Variants in ZNF559 observed in about 807,000 individuals in gnomAD.
ZNF559 encodes zinc finger protein 559, also known as putative protein product of Nbla00121.
Under a neutral mutation model 14.2 loss-of-function variants are expected in ZNF559, and 17 were observed. That is an observed-to-expected ratio of 1.20 (90% CI 0.82 to 1.80). The LOEUF (loss-of-function observed/expected upper bound fraction) is 1.80. ZNF559 is among the 40% of genes most tolerant of loss of function. The pLI is 0.00. For synonymous variants in ZNF559, 244 were observed against 212.4 expected (o/e 1.15, Z -1.29); for missense variants, 740 against 629.7 (o/e 1.18, Z -1.88).
chr19:9,325,692 A>G (rs2066548518), intron 2 of ZNF559, among the ~76,000 whole-genome samples: 1 of 151,908 alleles, frequency 6.6e-6, no homozygotes, highest in Non-Finnish European at 1.5e-5. Flanking sequence ...AGCCTGAGGC[A>G]GGAGAATCGC....
chr19:9,332,115 T>A (rs2066965793), intron 2 of ZNF559, among the ~76,000 whole-genome samples: 1 of 152,176 alleles, frequency 6.6e-6, no homozygotes, highest in South Asian at 2.1e-4. Context: ...TTTTTGTAGA[T>A]GCCCTTTATT....
rs575388542 is a variant in ZNF559 at position 9,345,081 on chromosome 19, A to G, written c.*2013A>G. The G allele has an allele frequency of 6.6e-6, 1 of 152,276 alleles. No homozygotes were observed. Among genetic ancestry groups the G allele is most frequent in the South Asian group, 2.1e-4 (1 of 4,830 alleles). 9.4% of individuals were successfully genotyped at this position (152,276 alleles called of 1,614,324 possible). Reference sequence around the variant, plus strand: ...CTCTTAGAATAGACGACTTTATATTATGTACAGTTTTTATATAAATGGAAT... The same window carrying G: ...CTCTTAGAATAGACGACTTTATATTGTGTACAGTTTTTATATAAATGGAAT... On this transcript the variant is annotated 3_prime_UTR_variant, in exon 7 of 7. Transcript: ENST00000603380.
intron 2 of ZNF559, among the ~76,000 whole-genome samples, chr19:9,337,540 A>G (rs949447831): frequency 2.6e-5 from 4 of 152,200 alleles, no homozygotes; most frequent in Non-Finnish European, 4.4e-5. Context: ...TCAGGAGTTT[A>G]GGTTTGTGAG....
Position 9,342,256 on chromosome 19 carries a change from A to T in ZNF559, c.805A>T (p.Ile269Leu), listed in dbSNP as rs376697934. The T allele has an allele frequency of 1.3e-6, 2 of 1,584,756 alleles. No homozygotes were observed. The highest frequency in any genetic ancestry group is 1.7e-6 in the Non-Finnish European group (2 of 1,170,010). The change falls in exon 7 of 7, where the codon ATA becomes TTA. Residue 269 changes from isoleucine to leucine, a missense_variant. By Grantham distance (5) the Ile-to-Leu change is conservative. Transcript: ENST00000603380. ...AAGAACTCATAGTAGAGTGTTACCT[A>T]TAGAACATAAGAAATTTGGCAAAGC... ...HLRTHSRVLP[I>L]EHKKFGKAFA...
At chr19:9,324,459 G>T in intron 1 of ZNF559, 3 of 1,424,558 alleles carry the variant, frequency 2.1e-6, no homozygotes, top group South Asian at 3.0e-5. Context: ...GGGAGGAGGC[G>T]GGGGGCACGG....
intron 1 of ZNF559, 49 bp from the exon 2 acceptor site, chr19:9,324,644 GAA>G (rs56005842): frequency 0.053 from 54,012 of 1,017,570 alleles, 4 homozygotes; most frequent in Middle Eastern, 0.071. Flanking sequence ...ATCTCTAATG[GAA>G]AAAAAAAAAA....
intron 3 of ZNF559, 56 bp downstream of exon 3, chr19:9,337,914 C>G (rs2067328544): frequency 2.0e-6 from 3 of 1,534,880 alleles, no homozygotes; most frequent in Admixed American, 3.9e-5. Context: ...ATTGACTTAC[C>G]CATAAGTTCA....
rs773107074 is a variant in ZNF559, at chr19:9,342,671, A to T, written c.1220A>T (p.Lys407Ile). ...CACATGCAGACTCATCCTGGTGTAA[A>T]ACCCTATGACTGTCAACAGTGTGGG... ...KSHMQTHPGV[K>I]PYDCQQCGKA... Residue 407 changes from lysine (K) to isoleucine (I), a missense_variant, in exon 7 of 7, where the codon AAA becomes ATA. By Grantham distance (102) the Lys-to-Ile change is moderately radical. Transcript: ENST00000603380. 1.2e-6 allele frequency: 2 copies of T among 1,614,058 alleles called. No individual in the cohort carries two copies. Among genetic ancestry groups the T allele is most frequent in the African/African-American group, 1.3e-5 (1 of 74,920 alleles).
At chr19:9,327,136 C>T (rs6512047) in intron 2 of ZNF559, among the ~76,000 whole-genome samples, 72,413 of 152,006 alleles carry the variant, frequency 0.48, 17,413 homozygotes, top group Middle Eastern at 0.52. Flanking sequence ...TCTGTATAGT[C>T]ATGTTTTTCT....
chr19:9,324,210 GT>G lies in ZNF559; in HGVS notation c.-222del. On this transcript the variant is annotated 5_prime_UTR_variant, in exon 1 of 7. An upstream open reading frame in the 5' UTR gains an earlier in-frame stop. Transcript: ENST00000603380. ...ATAACGGCCGCCATCTTAACAGCGC[GT>G]TCCCGTTGGCGTCTGAGGTAAGTTT... The G allele has an allele frequency of 6.5e-7, 1 of 1,536,100 alleles. No individual in the cohort carries two copies. The highest frequency in any genetic ancestry group is 8.7e-7 in the Non-Finnish European group (1 of 1,146,880).
At chr19:9,327,883 G>A (rs2066712605) in intron 2 of ZNF559, among the ~76,000 whole-genome samples, 1 of 151,994 alleles carries the variant, frequency 6.6e-6, no homozygotes, top group African/African-American at 2.4e-5. Flanking sequence ...CTACTAATCT[G>A]AGTGCAAAAT....
upstream of ZNF559, chr19:9,324,143 A>G: frequency 6.5e-7 from 1 of 1,535,532 alleles, no homozygotes; most frequent in Non-Finnish European, 8.7e-7. Flanking sequence ...AGGTGGTCCT[A>G]GCCTTTGCGC....
intron 2 of ZNF559, among the ~76,000 whole-genome samples, chr19:9,334,781 T>C (rs958966440): frequency 6.6e-6 from 1 of 152,074 alleles, no homozygotes; most frequent in African/African-American, 2.4e-5. Context: ...CAACATTTAA[T>C]GGGAAAAAAA....
At position 9,324,352 on chromosome 19, in the gene ZNF559, G is replaced by A. The variant is rs2066444186; in HGVS notation, c.-206+124G>A. On this transcript the variant is annotated intron_variant, in intron 1 of 6. Transcript: ENST00000603380. ...TCCCGTGCACTTTCGGGCATTTCGA[G>A]CATCTTGTGGGCTCTCCCAAGTCGC... is the stretch of plus-strand genomic sequence containing the variant. 13 of 1,514,586 alleles carry A rather than the reference G, an allele frequency of 8.6e-6. No individual in the cohort carries two copies. In the Admixed American group the frequency reaches 1.4e-4, roughly 16 times the overall value. 93.8% of individuals were successfully genotyped at this position (1,514,586 alleles called of 1,614,324 possible).
At position 9,341,975 on chromosome 19, in the gene ZNF559, G is replaced by A; in HGVS notation, c.524G>A (p.Cys175Tyr). 1 of 1,613,570 alleles carries A rather than the reference G, an allele frequency of 6.2e-7. No individual in the cohort carries two copies. The highest frequency in any genetic ancestry group is 1.1e-5 in the South Asian group (1 of 90,900). ...KKTSQNLHLVCKKTHTQEKPY... is the reference protein window; with the variant it reads ...KKTSQNLHLVYKKTHTQEKPY... The stretch of plus-strand genomic sequence containing the variant: ...ACTAGCCAAAATCTACATCTTGTTT[G>A]CAAGAAAACTCACACTCAAGAGAAA... The change falls in exon 7 of 7, where the codon TGC becomes TAC. Residue 175 changes from cysteine to tyrosine, a missense_variant. Transcript: ENST00000603380.
Position 9,334,507 on chromosome 19 carries a change from T to A in ZNF559, c.-119-3289T>A, listed in dbSNP as rs540472025. On this transcript the variant is annotated intron_variant, in intron 2 of 6. Coordinates refer to ENST00000603380, the MANE Select transcript of ZNF559 (RefSeq NM_032497.3). Reference sequence around the variant, plus strand: ...AAAAAGCTAGACATAAATGAATAGATGATTTCATTTATAAAGTTTAAAAAC... The same window carrying A: ...AAAAAGCTAGACATAAATGAATAGAAGATTTCATTTATAAAGTTTAAAAAC... Among the ~76,000 whole-genome samples, 3 of 152,304 alleles carry A rather than the reference T, an allele frequency of 2.0e-5. No homozygotes were observed. The East Asian group carries it at 5.8e-4, about 29-fold the overall frequency.
At position 9,339,270 on chromosome 19, in the gene ZNF559, C is replaced by CTT. The variant is rs1232254623; in HGVS notation, c.112_113dup (p.Leu38PhefsTer6). The stretch of plus-strand genomic sequence containing the variant: ...CTTTGCTGGATCAAACTCAGAGAAA[C>CTT]TTATACAGAGATGTGATGCTGGAGA... On this transcript the variant is annotated frameshift_variant, in exon 5 of 7. Transcript: ENST00000603380. LOFTEE classifies it high-confidence loss of function. The CTT allele has an allele frequency of 6.2e-7, 1 of 1,613,856 alleles. No individual in the cohort carries two copies.
intron 2 of ZNF559, among the ~76,000 whole-genome samples, chr19:9,332,189 G>A (rs1599309013): frequency 6.6e-6 from 1 of 151,998 alleles, no homozygotes; most frequent in Non-Finnish European, 1.5e-5. Flanking sequence ...AATGAATTTT[G>A]TCAAATTCCT....
chr19:9,326,176 C>T (rs373413702), intron 2 of ZNF559, among the ~76,000 whole-genome samples: 5 of 120,268 alleles, frequency 4.2e-5, no homozygotes, highest in African/African-American at 1.6e-4. Context: ...GTGGTGTGAT[C>T]TCAGCTCACT....
Sources: allele counts gnomAD v4.1 joint callset (sites outside exome capture counted in the v4.1 genomes callset), GRCh38; gene constraint gnomAD v4.1.1; transcripts MANE v1.5; gene names NCBI Gene and HGNC (gene_info 2026-07-23, HGNC 2026-07-21).